The following MACROD1 variants were observed in gnomAD, a reference collection of about 807,000 sequenced individuals.
MACROD1 encodes ADP-ribose glycohydrolase MACROD1.
A neutral mutation model predicts 41.4 loss-of-function variants in MACROD1; 31 were observed. The observed-to-expected ratio is 0.75, with a 90% CI of 0.56 to 1.01. MACROD1 has a LOEUF of 1.01. Among genes scored for constraint, MACROD1 ranks in the 50% least tolerant of loss-of-function variants. The pLI is 0.00. For missense variants in MACROD1, 473 were observed against 460.0 expected (o/e 1.03, Z -0.26); for synonymous variants, 252 against 203.4 (o/e 1.24, Z -2.03).
intron 3 of MACROD1, among the ~76,000 whole-genome samples, chr11:64,119,893 G>A (rs1310071890): frequency 6.6e-6 from 1 of 152,158 alleles, no homozygotes; most frequent in African/African-American, 2.4e-5. Flanking sequence ...GCGGAGCCTG[G>A]GGTTCCGACG....
In MACROD1 at chr11:64,000,237, G is replaced by A. The variant is rs1481746578; in HGVS notation, c.654C>T (p.Leu218=). The A allele has an allele frequency of 2.5e-6, 4 of 1,606,354 alleles. No homozygotes were observed. In the South Asian group the frequency reaches 3.3e-5, roughly 13 times the overall value. ...GCGTCGGGGACTCACACTTGGCCGG[G>A]AGCCGATAGCCGCCGGTGATCTTGG... ...GKAKITGGYR[L]PAKYVIHTVG... The change falls in exon 5 of 11, where the codon CTC becomes CTT. Residue 218 remains leucine (L), a synonymous_variant. Coordinates refer to ENST00000255681, the MANE Select transcript of MACROD1 (RefSeq NM_014067.4).
At chr11:64,010,326 G>T (rs1379005129) in intron 4 of MACROD1, among the ~76,000 whole-genome samples, 1 of 139,324 alleles carries the variant, frequency 7.2e-6, no homozygotes, top group Non-Finnish European at 1.6e-5. Context: ...TGTTGTTTGG[G>T]GTGTTGGTTG....
intron 3 of MACROD1, among the ~76,000 whole-genome samples, chr11:64,062,041 C>T (rs1181324688): frequency 1.3e-5 from 2 of 149,306 alleles, no homozygotes; most frequent in Non-Finnish European, 3.0e-5. Context: ...AGATTCTGTC[C>T]TGTCCAAAGC....
chr11:64,077,863 G>A (rs1326751612), intron 3 of MACROD1, among the ~76,000 whole-genome samples: 3 of 152,214 alleles, frequency 2.0e-5, no homozygotes, highest in Admixed American at 2.0e-4. Flanking sequence ...AGGAGCCCAG[G>A]GCCCCCTGAT....
At chr11:64,038,955 A>T (rs1330306338) in intron 3 of MACROD1, among the ~76,000 whole-genome samples, 1 of 152,156 alleles carries the variant, frequency 6.6e-6, no homozygotes, top group Non-Finnish European at 1.5e-5. Context: ...GATGCGTATG[A>T]GGTTTCTAGC....
intron 2 of MACROD1, among the ~76,000 whole-genome samples, chr11:64,152,090 T>C (rs762038822): frequency 3.3e-5 from 5 of 152,116 alleles, no homozygotes; most frequent in Non-Finnish European, 5.9e-5. Flanking sequence ...GATCGAGCCA[T>C]TGCACTCCAG....
At chr11:64,115,598 G>A (rs1310367382) in intron 3 of MACROD1, among the ~76,000 whole-genome samples, 1 of 152,204 alleles carries the variant, frequency 6.6e-6, no homozygotes, top group African/African-American at 2.4e-5. Flanking sequence ...ACCAGACAAT[G>A]AAGCTCCCTG....
chr11:64,106,363 CA>C (rs1268644234), intron 3 of MACROD1, among the ~76,000 whole-genome samples: 2 of 152,234 alleles, frequency 1.3e-5, no homozygotes, highest in Non-Finnish European at 2.9e-5. Flanking sequence ...GGTCTAGGTT[CA>C]GGGGCCTCCC....
In MACROD1 at chr11:64,096,872, G is replaced by A. The variant is rs374121039; in HGVS notation, c.517+54367C>T. ...CTGTGTCCCTTCGAGGGCCTCCCCC[G>A]GCAGAGCTGAGAGCCGATGCCTGTC... On this transcript the variant is annotated intron_variant, in intron 3 of 10. Transcript: ENST00000255681. This position sits in a 1 kb window ranked among gnomAD's most constrained non-coding sequence, Gnocchi z 4.6. Among the ~76,000 whole-genome samples, 123 of 152,294 alleles carry A rather than the reference G, an allele frequency of 8.1e-4. No homozygotes were observed. Among genetic ancestry groups the A allele is most frequent in the South Asian group, 3.5e-3 (17 of 4,820 alleles).
intron 3 of MACROD1, among the ~76,000 whole-genome samples, chr11:64,074,517 G>GA (rs1944166968): frequency 1.3e-5 from 2 of 152,344 alleles, no homozygotes; most frequent in Admixed American, 6.5e-5. Flanking sequence ...TTCAGTTTCT[G>GA]GCCTAAGGTC....
intron 3 of MACROD1, among the ~76,000 whole-genome samples, chr11:64,125,488 T>C (rs1945164218): frequency 6.6e-6 from 1 of 152,194 alleles, no homozygotes; most frequent in Admixed American, 6.5e-5. Flanking sequence ...TCCTCCCCAG[T>C]TGCCATCTGC....
rs547913456 is a variant in MACROD1 at position 64,128,376 on chromosome 11, T to C, written c.517+22863A>G. ...GGAGATATTGACTGAGGGCCTGCTA[T>C]GCTCTGGGGCTGGTGTATTCCTGCC... On this transcript the variant is annotated intron_variant, in intron 3 of 10. Transcript: ENST00000255681. 2.8e-3 allele frequency among the ~76,000 whole-genome samples: 427 copies of C among 152,314 alleles called. 1 individual carries two copies. The highest frequency in any genetic ancestry group is 4.7e-3 in the Non-Finnish European group (319 of 68,010).
At chr11:64,081,822 C>G (rs546835826) in intron 3 of MACROD1, 1 of 152,180 alleles carries the variant, frequency 6.6e-6, no homozygotes. Flanking sequence ...GGTCCGGGTC[C>G]GTTCTCCCCA....
At chr11:64,058,068 G>A (rs757964461) in intron 3 of MACROD1, among the ~76,000 whole-genome samples, 4 of 152,238 alleles carry the variant, frequency 2.6e-5, no homozygotes, top group Non-Finnish European at 5.9e-5. Flanking sequence ...ACTGGGCTGC[G>A]CTAGGAACAA....
At chr11:64,101,083 G>A (rs965471719) in intron 3 of MACROD1, among the ~76,000 whole-genome samples, 11 of 152,046 alleles carry the variant, frequency 7.2e-5, no homozygotes, top group East Asian at 3.9e-4. Context: ...TTCATGCTCC[G>A]TTGTTGCTGT....
intron 3 of MACROD1, chr11:64,117,390 A>G (rs772210831): frequency 6.2e-7 from 1 of 1,612,256 alleles, no homozygotes; most frequent in Non-Finnish European, 8.5e-7. Flanking sequence ...TACCAGCGAG[A>G]TGGACGAGTG....
intron 3 of MACROD1, among the ~76,000 whole-genome samples, chr11:64,048,903 C>A (rs1943637326): frequency 6.6e-6 from 1 of 152,212 alleles, no homozygotes; most frequent in Non-Finnish European, 1.5e-5. Flanking sequence ...CCCCACAGAG[C>A]TCCCAGCCAG....
chr11:64,032,937 G>A (rs1426951200), intron 3 of MACROD1, among the ~76,000 whole-genome samples: 2 of 148,154 alleles, frequency 1.3e-5, no homozygotes, highest in Non-Finnish European at 3.0e-5. Context: ...TCCACTATCC[G>A]CCCCCCAGCT....
At chr11:64,073,014 C>T (rs191193174) in intron 3 of MACROD1, among the ~76,000 whole-genome samples, 12 of 152,320 alleles carry the variant, frequency 7.9e-5, no homozygotes, top group African/African-American at 2.9e-4. Flanking sequence ...TCGGGACCCA[C>T]CCACAGGCAG....
Sources: allele counts gnomAD v4.1 joint callset (sites outside exome capture counted in the v4.1 genomes callset), GRCh38; gene constraint gnomAD v4.1.1; non-coding constraint Gnocchi (gnomAD v3.1); transcripts MANE v1.5; gene names NCBI Gene and HGNC (gene_info 2026-07-23, HGNC 2026-07-21).